GATAD2B: variants seen among roughly 807,000 people sequenced by gnomAD.
GATAD2B encodes the protein transcriptional repressor p66-beta.
In GATAD2B, 8 loss-of-function variants were observed where a neutral mutation model predicts 64.3. The observed-to-expected ratio is 0.12, with a 90% CI of 0.07 to 0.22. The LOEUF is 0.22. Among genes scored for constraint, GATAD2B ranks in the 10% least tolerant of loss-of-function variants. GATAD2B has a pLI of 1.00. For synonymous variants in GATAD2B, 281 were observed against 271.3 expected, an observed-to-expected ratio of 1.04 and a Z score of -0.35; for missense variants, 453 against 752.0, an observed-to-expected ratio of 0.60 and a Z score of 4.65.
At chr1:153,847,751 C>T (rs1297450202) in intron 1 of GATAD2B, among the ~76,000 whole-genome samples, 1 of 152,108 alleles carries the variant, frequency 6.6e-6, no homozygotes, top group Non-Finnish European at 1.5e-5. Flanking sequence ...TGAGATATAT[C>T]TTGGACCATC....
rs199844348 is a variant in GATAD2B at position 153,848,981 on chromosome 1, C to CG, written c.-1-20634_-1-20633insC. On this transcript the variant is annotated intron_variant, in intron 1 of 10. Coordinates refer to ENST00000368655, the MANE Select transcript of GATAD2B (RefSeq NM_020699.4). ...AAGCAAAAAACAAACAAACCCCCCC[C>CG]CTCCCCCAGACTGGGTAATTTATAT... Among the ~76,000 whole-genome samples, 181 of 151,724 alleles carry CG rather than the reference C, an allele frequency of 1.2e-3. 5 individuals are homozygous for CG. Among genetic ancestry groups the CG allele is most frequent in the Admixed American group, 0.01 (158 of 15,208 alleles).
intron 1 of GATAD2B, among the ~76,000 whole-genome samples, chr1:153,859,293 G>A (rs1676191021): frequency 6.6e-6 from 1 of 151,806 alleles, no homozygotes; most frequent in Non-Finnish European, 1.5e-5. Context: ...CTTGAGCCTG[G>A]GGGATCTAGT....
At chr1:153,871,661 G>C (rs1012023519) in intron 1 of GATAD2B, among the ~76,000 whole-genome samples, 1 of 151,848 alleles carries the variant, frequency 6.6e-6, no homozygotes, top group Non-Finnish European at 1.5e-5. Flanking sequence ...TAGTAGAGAC[G>C]GGTTTTACCA....
intron 1 of GATAD2B, chr1:153,852,367 A>G: frequency 1.2e-6 from 1 of 852,810 alleles, no homozygotes; most frequent in East Asian, 2.4e-5. Flanking sequence ...GCCTGCCATC[A>G]CCCTCATATG....
intron 2 of GATAD2B, among the ~76,000 whole-genome samples, chr1:153,826,256 T>A (rs986090878): frequency 2.0e-5 from 3 of 151,964 alleles, no homozygotes; most frequent in Non-Finnish European, 2.9e-5. Flanking sequence ...ACCCGCCTCA[T>A]GATCCACCCG....
chr1:153,862,694 C>T (rs997766024), intron 1 of GATAD2B, among the ~76,000 whole-genome samples: 2 of 151,698 alleles, frequency 1.3e-5, no homozygotes, highest in Non-Finnish European at 1.5e-5. Context: ...CGTTAATTTG[C>T]CACTGCGCCT....
intron 6 of GATAD2B, among the ~76,000 whole-genome samples, chr1:153,817,083 C>G (rs1158792985): frequency 1.3e-5 from 2 of 152,104 alleles, no homozygotes; most frequent in South Asian, 2.1e-4. Context: ...TAAGATTTTG[C>G]TTTCTGTCAC....
intron 1 of GATAD2B, among the ~76,000 whole-genome samples, chr1:153,900,425 A>G (rs1677733748): frequency 1.3e-5 from 2 of 151,604 alleles, no homozygotes; most frequent in South Asian, 4.1e-4. Flanking sequence ...CAAAAAAAAA[A>G]GAAAAGAAAA....
intron 1 of GATAD2B, among the ~76,000 whole-genome samples, chr1:153,841,744 C>T (rs563105588): frequency 6.6e-6 from 1 of 152,230 alleles, no homozygotes; most frequent in African/African-American, 2.4e-5. Flanking sequence ...AATACAGCTG[C>T]TATGAACATT....
At chr1:153,823,237 T>G (rs556196104) in intron 2 of GATAD2B, among the ~76,000 whole-genome samples, 105 of 152,304 alleles carry the variant, frequency 6.9e-4, no homozygotes, top group African/African-American at 2.5e-3. Flanking sequence ...ATTAGAGAGA[T>G]ATTATTAAAA....
intron 1 of GATAD2B, among the ~76,000 whole-genome samples, chr1:153,921,531 T>C (rs545987145): frequency 6.6e-6 from 1 of 152,262 alleles, no homozygotes; most frequent in East Asian, 1.9e-4. Flanking sequence ...TGCTGAAATA[T>C]ATTAAGTATC....
intron 1 of GATAD2B, among the ~76,000 whole-genome samples, chr1:153,833,993 T>C (rs1326885428): frequency 6.6e-6 from 1 of 151,514 alleles, no homozygotes; most frequent in Admixed American, 6.6e-5. Flanking sequence ...TTTTTATGTT[T>C]TTTTTTGGTT....
intron 10 of GATAD2B, among the ~76,000 whole-genome samples, chr1:153,811,381 T>A (rs1674287231): frequency 6.6e-6 from 1 of 152,102 alleles, no homozygotes; most frequent in Non-Finnish European, 1.5e-5. Context: ...CAGCTTTGAT[T>A]TTGAGGCTGC....
rs1399627508 is a variant in GATAD2B at position 153,813,416 on chromosome 1, A to T, written c.1253T>A (p.Phe418Tyr). Reference protein sequence around the residue: ...SCASLLRVEPFVCAQCRTDFT... With the variant: ...SCASLLRVEPYVCAQCRTDFT... The stretch of plus-strand genomic sequence containing the variant: ...ATCTGTGCGGCACTGGGCACATACA[A>T]AGGGTTCAACCCGCAGAAGTGAGGC... The change falls in exon 8 of 11, where the codon TTT becomes TAT. Residue 418 changes from phenylalanine (F) to tyrosine (Y), a missense_variant. By Grantham distance (22) the Phe-to-Tyr change is conservative (BLOSUM62 3). Around this residue, in one of 2 missense-constraint regions of GATAD2B, gnomAD observed 160 missense variants for 334.7 expected, o/e 0.48. Transcript: ENST00000368655. 10 of 1,614,010 alleles carry T rather than the reference A, an allele frequency of 6.2e-6. No individual in the cohort carries two copies. The highest frequency in any genetic ancestry group is 8.5e-6 in the Non-Finnish European group (10 of 1,179,998).
intron 1 of GATAD2B, among the ~76,000 whole-genome samples, chr1:153,830,447 G>C (rs902510704): frequency 1.1e-5 from 1 of 87,542 alleles, no homozygotes; most frequent in Non-Finnish European, 2.3e-5. Context: ...TGCCCGGCCT[G>C]TTTTTATTTT....
intron 5 of GATAD2B, 38 bp from the exon 6 acceptor site, chr1:153,817,580 T>C (rs1026472005): frequency 1.9e-5 from 28 of 1,483,824 alleles, no homozygotes; most frequent in Non-Finnish European, 2.6e-5. Flanking sequence ...AATCACAGGT[T>C]GTACGCTGTG....
At chr1:153,815,743 T>C (rs906111537) in intron 7 of GATAD2B, among the ~76,000 whole-genome samples, 22 of 152,046 alleles carry the variant, frequency 1.4e-4, no homozygotes, top group Admixed American at 9.2e-4. Flanking sequence ...GATAGATAGA[T>C]ACATAGGCAG....
chr1:153,906,120 CAG>C (rs1282362003), intron 1 of GATAD2B, among the ~76,000 whole-genome samples: 1 of 148,560 alleles, frequency 6.7e-6, no homozygotes, highest in African/African-American at 2.5e-5. Context: ...ACACACAAAA[CAG>C]TGTGGGGCCA....
At chr1:153,922,286 G>GT (rs1436336763) in intron 1 of GATAD2B, among the ~76,000 whole-genome samples, 4 of 141,766 alleles carry the variant, frequency 2.8e-5, no homozygotes, top group South Asian at 4.9e-4. Flanking sequence ...GGTGGAGAGA[G>GT]TTAAAAAAAA....
Sources: gnomAD v4.1 joint callset for allele counts (sites outside exome capture counted in the v4.1 genomes callset) on GRCh38, gnomAD v4.1.1 for gene constraint, gnomAD v4.1.1 regional missense constraint, MANE v1.5 for transcripts, NCBI Gene and HGNC (gene_info 2026-07-23, HGNC 2026-07-21) for gene names.